Variants in FAM149B1 observed in about 807,000 individuals in gnomAD.
FAM149B1 encodes the protein family with sequence similarity 149 member B1.
FAM149B1 carries 56 observed loss-of-function variants against 75.3 expected under a neutral mutation model. That is an observed-to-expected ratio of 0.74 (90% CI 0.60 to 0.93). FAM149B1 has a LOEUF of 0.93. FAM149B1 is among the 40% of genes least tolerant of loss of function. FAM149B1 has a pLI of 0.00. For synonymous variants in FAM149B1, 259 were observed against 256.1 expected (o/e 1.01, Z -0.11); for missense variants, 639 against 708.4 (o/e 0.90, Z 1.11).
intron 3 of FAM149B1, among the ~76,000 whole-genome samples, chr10:73,178,621 T>C (rs1392608309): frequency 6.6e-6 from 1 of 152,248 alleles, no homozygotes; most frequent in Non-Finnish European, 1.5e-5. Context: ...TAAAATGTTT[T>C]TGAAAGTTTA....
At chr10:73,205,436 A>C (rs903885955) in intron 5 of FAM149B1, among the ~76,000 whole-genome samples, 1 of 152,152 alleles carries the variant, frequency 6.6e-6, no homozygotes, top group Non-Finnish European at 1.5e-5. Context: ...AGCCTCCCTC[A>C]AAGCAGATGT....
chr10:73,239,044 T>C (rs1269481450), intron 12 of FAM149B1: 3 of 345,654 alleles, frequency 8.7e-6, no homozygotes, highest in Non-Finnish European at 1.6e-5. Context: ...TATTAAACCA[T>C]ATGGATTATT....
intron 7 of FAM149B1, among the ~76,000 whole-genome samples, chr10:73,227,146 G>T (rs1001337003): frequency 1.3e-5 from 2 of 152,150 alleles, no homozygotes; most frequent in African/African-American, 4.8e-5. Context: ...GGAGTGCAGT[G>T]GGGCCATCAC....
chr10:73,200,294 T>C lies in FAM149B1; in HGVS notation c.542+6701T>C, dbSNP rs1405845897. Reference sequence around the variant, plus strand: ...TTGCAGTGAGCCGAGATTGCACCATTGCACTCCATCCAGCCTGGGTGACAA... The same window carrying C: ...TTGCAGTGAGCCGAGATTGCACCATCGCACTCCATCCAGCCTGGGTGACAA... On this transcript the variant is annotated intron_variant, in intron 5 of 13. Transcript: ENST00000242505. The C allele has an allele frequency of 5.4e-5, 19 of 352,904 alleles. No individual in the cohort carries two copies. The East Asian group carries it at 1.2e-3, about 22-fold the overall frequency. The allele number at this position is 352,904 out of a possible 1,614,324, so 21.9% of individuals were successfully genotyped here.
chr10:73,228,105 C>T lies in FAM149B1; in HGVS notation c.944C>T (p.Ser315Phe). Residue 315 changes from serine (S) to phenylalanine (F), a missense_variant, in exon 8 of 14, where the codon TCC becomes TTC. Coordinates refer to ENST00000242505, the MANE Select transcript of FAM149B1 (RefSeq NM_173348.2). Reference sequence around the variant, plus strand: ...GTTACCAGACCCGATTCAGAAAGTTCCTGTGTGCTGAGTGAACTACATCCT... The same window carrying T: ...GTTACCAGACCCGATTCAGAAAGTTTCTGTGTGCTGAGTGAACTACATCCT... ...VAVTRPDSES[S>F]CVLSELHPLV... The T allele has an allele frequency of 6.4e-7, 1 of 1,551,296 alleles. No homozygotes were observed. Among genetic ancestry groups the T allele is most frequent in the Non-Finnish European group, 8.7e-7 (1 of 1,146,606 alleles).
At chr10:73,193,381 T>C in intron 4 of FAM149B1, 96 bp from the exon 5 acceptor site, 1 of 1,259,144 alleles carries the variant, frequency 7.9e-7, no homozygotes, top group South Asian at 1.5e-5. Context: ...TACTGGACTT[T>C]TATGTTGAGC....
At chr10:73,230,784 A>T (rs916642670) in intron 9 of FAM149B1, 3 of 348,100 alleles carry the variant, frequency 8.6e-6, no homozygotes, top group Non-Finnish European at 1.7e-5. Context: ...GCTGTCCAGA[A>T]TGAGTGCTAT....
chr10:73,186,393 A>G (rs2042522613), intron 3 of FAM149B1, among the ~76,000 whole-genome samples: 1 of 152,244 alleles, frequency 6.6e-6, no homozygotes, highest in African/African-American at 2.4e-5. Context: ...ATATGTAACA[A>G]GAAAAGACTG....
Position 73,196,465 on chromosome 10 carries a change from G to C in FAM149B1, c.542+2872G>C, listed in dbSNP as rs146154213. Among the ~76,000 whole-genome samples, 894 of 152,092 alleles carry C rather than the reference G, an allele frequency of 5.9e-3. 5 individuals carry two copies. Among genetic ancestry groups the C allele is most frequent in the Non-Finnish European group, 8.9e-3 (607 of 67,986 alleles). ...GCCTTCTGAGTAGCTAGGCTATTTT[G>C]CCACTTTTTGTTGTGAGACGTATGA... On this transcript the variant is annotated intron_variant, in intron 5 of 13. Transcript: ENST00000242505.
chr10:73,232,165 C>T (rs995749326), intron 9 of FAM149B1, among the ~76,000 whole-genome samples: 2 of 152,008 alleles, frequency 1.3e-5, no homozygotes, highest in Non-Finnish European at 1.5e-5. Context: ...TTTAATTGTG[C>T]GGATACTCTT....
chr10:73,168,871 T>C (rs1332579169), intron 1 of FAM149B1: 1 of 154,952 alleles, frequency 6.5e-6, no homozygotes, highest in Non-Finnish European at 1.4e-5. Context: ...AGCTGAGAGG[T>C]ACAAACCTGA....
intron 5 of FAM149B1, chr10:73,199,700 A>G (rs1015767187): frequency 6.6e-6 from 1 of 152,248 alleles, no homozygotes; most frequent in Admixed American, 6.5e-5. Flanking sequence ...TGAATTACAG[A>G]CATTATATAA....
chr10:73,174,834 A>G, intron 2 of FAM149B1, 43 bp downstream of exon 2: 2 of 1,343,784 alleles, frequency 1.5e-6, no homozygotes, highest in Non-Finnish European at 2.1e-6. Flanking sequence ...GCACTTGCTC[A>G]TGGCAGAGGT....
chr10:73,205,074 A>G (rs2043025993), intron 5 of FAM149B1, among the ~76,000 whole-genome samples: 1 of 143,804 alleles, frequency 7.0e-6, no homozygotes. Context: ...CAGCCTCTCA[A>G]AGTGCTGGGA....
chr10:73,200,459 C>T (rs555582395), intron 5 of FAM149B1: 1 of 616,348 alleles, frequency 1.6e-6, no homozygotes, highest in East Asian at 3.8e-5. Context: ...AAACTGCAGG[C>T]TGAAGTACCA....
intron 2 of FAM149B1, 150 bp downstream of exon 2, chr10:73,174,941 G>T: frequency 3.4e-6 from 2 of 582,630 alleles, no homozygotes; most frequent in Non-Finnish European, 6.3e-6. Flanking sequence ...TTTTCATTCT[G>T]AAACAGCTAA....
chr10:73,231,273 T>TA (rs1372835624), intron 9 of FAM149B1: 2 of 149,834 alleles, frequency 1.3e-5, no homozygotes, highest in African/African-American at 2.5e-5. Flanking sequence ...GTATTACACA[T>TA]AATAAAGTTA....
At chr10:73,210,211 T>G in intron 6 of FAM149B1, 40 bp from the exon 7 acceptor site, 1 of 1,425,770 alleles carries the variant, frequency 7.0e-7, no homozygotes, top group African/African-American at 1.4e-5. Context: ...CAGCCTTCCC[T>G]TCAGCATCAT....
chr10:73,211,055 A>T (rs973962386), intron 7 of FAM149B1, among the ~76,000 whole-genome samples: 1 of 152,186 alleles, frequency 6.6e-6, no homozygotes, highest in Non-Finnish European at 1.5e-5. Flanking sequence ...CAGTCCCACA[A>T]GACTACCCCC....
Sources: allele counts gnomAD v4.1 joint callset (sites outside exome capture counted in the v4.1 genomes callset), GRCh38; gene constraint gnomAD v4.1.1; transcripts MANE v1.5; gene names NCBI Gene and HGNC (gene_info 2026-07-23, HGNC 2026-07-21).